RTL4: variants seen among roughly 807,000 people sequenced by gnomAD.
RTL4 encodes the protein retrotransposon Gag-like protein 4.
Under a neutral mutation model 5.3 loss-of-function variants are expected in RTL4, and 4 were observed. That is an observed-to-expected ratio of 0.75 (90% CI 0.37 to 1.72). The LOEUF (loss-of-function observed/expected upper bound fraction) is 1.72. Ranked by LOEUF, RTL4 falls within the 40% of genes most tolerant of loss-of-function variation. The pLI is 0.04. For missense variants in RTL4, 260 were observed against 227.1 expected (o/e 1.14, Z -0.93); for synonymous variants, 98 against 87.3 (o/e 1.12, Z -0.68).
the RTL4 span, among the ~76,000 whole-genome samples, chrX:112,107,058 T>C: frequency 9.0e-6 from 1 of 111,655 alleles, no homozygotes; most frequent in African/African-American, 3.3e-5. Flanking sequence ...TTGTTGCCTG[T>C]GGTTTTGAGT....
At chrX:112,412,037 A>G in the RTL4 span, among the ~76,000 whole-genome samples, 1 of 111,242 alleles carries the variant, frequency 9.0e-6, no homozygotes, top group Non-Finnish European at 1.9e-5. Flanking sequence ...TATAAAAATC[A>G]GTAACATTTC....
chrX:112,107,994 GT>G, the RTL4 span, among the ~76,000 whole-genome samples: 1 of 110,083 alleles, frequency 9.1e-6, no homozygotes, highest in African/African-American at 3.3e-5. Flanking sequence ...TCTTCCTTCC[GT>G]TTTTTTCTTG....
chrX:112,328,965 A>G, the RTL4 span, among the ~76,000 whole-genome samples: 2 of 112,002 alleles, frequency 1.8e-5, no homozygotes, highest in East Asian at 2.8e-4. Context: ...ACCAATGAGA[A>G]CAAAGACACA....
chrX:112,187,513 T>C, the RTL4 span, among the ~76,000 whole-genome samples: 1,683 of 111,634 alleles, frequency 0.015, 36 homozygotes, highest in African/African-American at 0.051. Flanking sequence ...AAAGACAAGA[T>C]AAGCCTTCAT....
the RTL4 span, among the ~76,000 whole-genome samples, chrX:112,375,963 G>A: frequency 3.6e-5 from 4 of 111,473 alleles, no homozygotes; most frequent in East Asian, 8.5e-4. Flanking sequence ...AAGAGAAATC[G>A]CAGATGGATA....
chrX:112,214,277 T>A, the RTL4 span, among the ~76,000 whole-genome samples: 1 of 112,010 alleles, frequency 8.9e-6, no homozygotes, highest in Admixed American at 9.5e-5. Flanking sequence ...TGTCTTTTTG[T>A]GTCTGGATTA....
the RTL4 span, among the ~76,000 whole-genome samples, chrX:112,441,165 C>T: frequency 9.0e-6 from 1 of 111,195 alleles, no homozygotes; most frequent in African/African-American, 3.3e-5. Context: ...TGTTTGAATA[C>T]CTCCAGTAAT....
chrX:112,150,958 A>G, the RTL4 span, among the ~76,000 whole-genome samples: 1 of 112,393 alleles, frequency 8.9e-6, no homozygotes, highest in African/African-American at 3.2e-5. Flanking sequence ...TCTGGTTTAC[A>G]CAAGAGACTT....
At chrX:112,177,527 ATTT>A in the RTL4 span, among the ~76,000 whole-genome samples, 1 of 96,391 alleles carries the variant, frequency 1.0e-5, no homozygotes, top group Non-Finnish European at 2.1e-5. Flanking sequence ...ATTATTTGGG[ATTT>A]TTTTTTTTTT....
chrX:112,330,835 C>G, the RTL4 span, among the ~76,000 whole-genome samples: 1 of 110,880 alleles, frequency 9.0e-6, no homozygotes, highest in Non-Finnish European at 1.9e-5. Flanking sequence ...CAGAACAGAG[C>G]CCTCAAAAAT....
At chrX:112,334,287 C>G in the RTL4 span, among the ~76,000 whole-genome samples, 120 of 112,066 alleles carry the variant, frequency 1.1e-3, no homozygotes, top group African/African-American at 3.7e-3. Context: ...CTGTGATATA[C>G]TAATTTCCTT....
At chrX:112,309,927 C>T in the RTL4 span, among the ~76,000 whole-genome samples, 5 of 103,792 alleles carry the variant, frequency 4.8e-5, no homozygotes, top group African/African-American at 1.8e-4. Flanking sequence ...TATATGTGTA[C>T]ACCTGTGGTT....
At chrX:112,451,394 G>A (rs764921077), upstream of RTL4, among the ~76,000 whole-genome samples, 2 of 110,905 alleles carry the variant, frequency 1.8e-5, no homozygotes, top group African/African-American at 6.6e-5. Context: ...AGCTACCAGG[G>A]AGGCTGGGGT....
the RTL4 span, among the ~76,000 whole-genome samples, chrX:112,350,398 T>G: frequency 9.2e-6 from 1 of 109,022 alleles, no homozygotes; most frequent in Non-Finnish European, 1.9e-5. Flanking sequence ...TAGGGAGGAT[T>G]CCCTCTTTTT....
chrX:112,348,808 T>C, the RTL4 span, among the ~76,000 whole-genome samples: 302 of 110,178 alleles, frequency 2.7e-3, 3 homozygotes, highest in African/African-American at 9.3e-3. Flanking sequence ...AAAGTCAATG[T>C]CCTGAATAAA....
the RTL4 span, among the ~76,000 whole-genome samples, chrX:112,277,050 A>G: frequency 8.9e-6 from 1 of 111,868 alleles, no homozygotes; most frequent in Non-Finnish European, 1.9e-5. Flanking sequence ...AAAAAATAAG[A>G]CTTTGGGGCT....
At chrX:112,318,899 A>T in the RTL4 span, among the ~76,000 whole-genome samples, 1 of 111,926 alleles carries the variant, frequency 8.9e-6, no homozygotes, top group African/African-American at 3.2e-5. Context: ...AGAGAACAGA[A>T]TGAATTAATC....
chrX:112,431,067 G>C, the RTL4 span, among the ~76,000 whole-genome samples: 1 of 111,472 alleles, frequency 9.0e-6, no homozygotes, highest in Non-Finnish European at 1.9e-5. Flanking sequence ...CCTGGACTGT[G>C]AACTTCACCA....
At chrX:112,292,950 A>G in the RTL4 span, among the ~76,000 whole-genome samples, 1 of 112,164 alleles carries the variant, frequency 8.9e-6, no homozygotes, top group Non-Finnish European at 1.9e-5. Flanking sequence ...CCAAGAACAT[A>G]TCTACTGTGT....
Sources: allele counts gnomAD v4.1 joint callset (sites outside exome capture counted in the v4.1 genomes callset), GRCh38; gene constraint gnomAD v4.1.1; transcripts MANE v1.5; gene names NCBI Gene and HGNC (gene_info 2026-07-23, HGNC 2026-07-21).